Variants in LUZP2 observed in about 807,000 individuals in gnomAD.
LUZP2 encodes the protein leucine zipper protein 2.
Under a neutral mutation model 51.6 loss-of-function variants are expected in LUZP2, and 52 were observed. That is an observed-to-expected ratio of 1.01 (90% confidence interval 0.81 to 1.27). The LOEUF (loss-of-function observed/expected upper bound fraction) is 1.27. LUZP2 is among the 50% of genes most tolerant of loss of function. The pLI, the probability that LUZP2 is intolerant of heterozygous loss-of-function variation, is 0.00. For missense variants in LUZP2, 436 were observed against 395.4 expected, an observed-to-expected ratio of 1.10 and a Z score of -0.87; for synonymous variants, 154 against 137.3, an observed-to-expected ratio of 1.12 and a Z score of -0.85.
At chr11:24,754,211 G>T (rs1859692573) in intron 4 of LUZP2, among the ~76,000 whole-genome samples, 1 of 152,088 alleles carries the variant, frequency 6.6e-6, no homozygotes, top group East Asian at 1.9e-4. Context: ...TGCCCAGACT[G>T]GTCTTGAACT....
intron 1 of LUZP2, among the ~76,000 whole-genome samples, chr11:24,503,526 T>C (rs1850063841): frequency 6.6e-6 from 1 of 152,222 alleles, no homozygotes; most frequent in African/African-American, 2.4e-5. Flanking sequence ...TAGGTAGTGA[T>C]TGCATTGCAA....
intron 9 of LUZP2, among the ~76,000 whole-genome samples, chr11:25,041,351 G>C (rs1026729928): frequency 1.3e-5 from 2 of 151,908 alleles, no homozygotes; most frequent in Admixed American, 1.3e-4. Flanking sequence ...AAGTGAATGT[G>C]GTCTTTCTCT....
At chr11:24,687,373 A>G (rs1013383569) in intron 1 of LUZP2, among the ~76,000 whole-genome samples, 8 of 152,134 alleles carry the variant, frequency 5.3e-5, no homozygotes, top group Admixed American at 3.3e-4. Context: ...TAAACAAAGT[A>G]TGAGGTAGAA....
intron 1 of LUZP2, among the ~76,000 whole-genome samples, chr11:24,666,137 A>G (rs539767262): frequency 6.6e-6 from 1 of 152,150 alleles, no homozygotes; most frequent in Non-Finnish European, 1.5e-5. Context: ...AGGAGGAGCT[A>G]GAAATGGGGG....
At chr11:24,623,545 C>G (rs578113562) in intron 1 of LUZP2, among the ~76,000 whole-genome samples, 3 of 152,226 alleles carry the variant, frequency 2.0e-5, no homozygotes, top group African/African-American at 7.2e-5. Context: ...GTCCCCATCA[C>G]TTAGAAAATT....
chr11:24,873,133 C>T (rs993423448), intron 5 of LUZP2, among the ~76,000 whole-genome samples: 2 of 152,144 alleles, frequency 1.3e-5, no homozygotes, highest in African/African-American at 2.4e-5. Flanking sequence ...CTAATGCTTT[C>T]AAACCCCAGT....
chr11:24,996,619 T>G (rs1856511652), intron 9 of LUZP2, among the ~76,000 whole-genome samples: 1 of 143,484 alleles, frequency 7.0e-6, no homozygotes, highest in Non-Finnish European at 1.5e-5. Context: ...TTTATTTTAT[T>G]TTATTTTATT....
At chr11:24,547,968 A>G (rs377317959) in intron 1 of LUZP2, among the ~76,000 whole-genome samples, 8 of 152,138 alleles carry the variant, frequency 5.3e-5, no homozygotes, top group East Asian at 3.9e-4. Flanking sequence ...ACCACTAATC[A>G]TTGGAGAAGT....
chr11:24,727,143 G>T (rs983931858), intron 1 of LUZP2, among the ~76,000 whole-genome samples: 19 of 152,024 alleles, frequency 1.2e-4, no homozygotes, highest in African/African-American at 4.6e-4. Flanking sequence ...AAAGGGAAAT[G>T]TTATTTGTAA....
chr11:24,926,319 ACG>A (rs1491535200), intron 7 of LUZP2, among the ~76,000 whole-genome samples: 26 of 116,912 alleles, frequency 2.2e-4, no homozygotes, highest in African/African-American at 1.0e-3. Context: ...GTATATATAT[ACG>A]TGTGTGTATA....
chr11:24,797,311 T>C (rs1044786470), intron 5 of LUZP2, among the ~76,000 whole-genome samples: 25 of 152,276 alleles, frequency 1.6e-4, no homozygotes, highest in Admixed American at 1.0e-3. Context: ...CCAAGGGTCG[T>C]AGAAATTCTG....
chr11:24,774,362 C>CTCTCTCTCTCTATATATATATA (rs776739280), intron 5 of LUZP2, among the ~76,000 whole-genome samples: 25 of 76,336 alleles, frequency 3.3e-4, no homozygotes, highest in East Asian at 1.4e-3. Flanking sequence ...CTCTCTCTCT[C>CTCTCTCTCTCTATATATATATA]TATATATATA....
At chr11:24,969,174 C>G (rs1034412617) in intron 7 of LUZP2, among the ~76,000 whole-genome samples, 2 of 152,106 alleles carry the variant, frequency 1.3e-5, no homozygotes, top group Non-Finnish European at 2.9e-5. Flanking sequence ...CCTGCCCACT[C>G]AAGTAGACTC....
chr11:24,733,126 A>G (rs1206310180), intron 3 of LUZP2, among the ~76,000 whole-genome samples: 1 of 151,762 alleles, frequency 6.6e-6, no homozygotes, highest in East Asian at 1.9e-4. Context: ...TCAAAACTCT[A>G]TTATTGACAT....
At position 24,930,045 on chromosome 11, in the gene LUZP2, C is replaced by T. The variant is rs376208836; in HGVS notation, c.522+15507C>T. On this transcript the variant is annotated intron_variant, in intron 7 of 11. Transcript: ENST00000336930. ...GTTTGTTTGTCTGATATAAGAATAG[C>T]TACTGTTGTTCACTTTTGGTGTTCA... Among the ~76,000 whole-genome samples the T allele has an allele frequency of 2.6e-5, 4 of 152,262 alleles. No homozygotes were observed. In the South Asian group the frequency reaches 8.3e-4, roughly 32 times the overall value.
intron 9 of LUZP2, among the ~76,000 whole-genome samples, chr11:24,997,339 C>A (rs529352858): frequency 1.3e-5 from 2 of 152,172 alleles, no homozygotes; most frequent in Non-Finnish European, 1.5e-5. Flanking sequence ...TATCCCATTG[C>A]GGTTTTGATT....
intron 1 of LUZP2, among the ~76,000 whole-genome samples, chr11:24,686,624 C>G (rs941831286): frequency 2.0e-5 from 3 of 152,162 alleles, no homozygotes; most frequent in Non-Finnish European, 4.4e-5. Flanking sequence ...AATAGCTTCA[C>G]ATCTGTTATT....
At chr11:24,548,277 A>G (rs1435076195) in intron 1 of LUZP2, among the ~76,000 whole-genome samples, 1 of 152,132 alleles carries the variant, frequency 6.6e-6, no homozygotes, top group Non-Finnish European at 1.5e-5. Flanking sequence ...ACTGTTCATA[A>G]TAACAAATAC....
At chr11:24,568,623 T>G (rs9943629) in intron 1 of LUZP2, among the ~76,000 whole-genome samples, 63,709 of 151,576 alleles carry the variant, frequency 0.42, 14,383 homozygotes, top group East Asian at 0.61. Context: ...AAAATAAGAA[T>G]AGGAAAATTA....
Sources: gnomAD v4.1 joint callset for allele counts (sites outside exome capture counted in the v4.1 genomes callset) on GRCh38, gnomAD v4.1.1 for gene constraint, MANE v1.5 for transcripts, NCBI Gene and HGNC (gene_info 2026-07-23, HGNC 2026-07-21) for gene names.